Variants in GFI1B observed in about 807,000 individuals in gnomAD.
The protein encoded by GFI1B is growth factor independent 1B transcriptional repressor.
GFI1B carries 20 observed loss-of-function variants against 35.3 expected under a neutral mutation model. That is an observed-to-expected ratio of 0.57 (90% CI 0.40 to 0.82). GFI1B has a LOEUF of 0.82. GFI1B is among the 40% of genes least tolerant of loss of function. The probability of loss-of-function intolerance (pLI) is 0.00; values close to 1 mark genes in which losing one functional copy is unlikely to be tolerated. For missense variants in GFI1B, 430 were observed against 446.3 expected, an observed-to-expected ratio of 0.96 and a Z score of 0.33; for synonymous variants, 178 against 177.6, an observed-to-expected ratio of 1.00 and a Z score of -0.02.
intron 1 of GFI1B, among the ~76,000 whole-genome samples, chr9:132,983,234 C>T (rs1324226223): frequency 1.6e-4 from 23 of 143,046 alleles, no homozygotes. Flanking sequence ...GGCTCTGTCA[C>T]CCAGGCTGAA....
At chr9:132,990,018 G>C in intron 6 of GFI1B, 111 bp downstream of exon 6, 1 of 931,200 alleles carries the variant, frequency 1.1e-6, no homozygotes. Context: ...TAGTTACAAA[G>C]TCAAAGGCCA....
Position 132,989,241 on chromosome 9 carries a change from C to G in GFI1B, c.648+43C>G. ...CGCAGGACTCCCAGCCCCACTCCTTCTCTGTGCTTCCCCAGGGAGCCTGGG... is the reference window on the plus strand; with the variant it reads ...CGCAGGACTCCCAGCCCCACTCCTTGTCTGTGCTTCCCCAGGGAGCCTGGG... On this transcript the variant is annotated intron_variant, in intron 5 of 6. Transcript: ENST00000372122. The surrounding 1 kb of genome is among the most constrained non-coding windows in gnomAD (Gnocchi z 6.2). The G allele has an allele frequency of 6.3e-7, 1 of 1,587,054 alleles. No homozygotes were observed. Among genetic ancestry groups the G allele is most frequent in the Non-Finnish European group, 8.6e-7 (1 of 1,162,880 alleles).
chr9:132,991,888 A>G (rs1284104433), downstream of GFI1B, among the ~76,000 whole-genome samples: 3 of 152,072 alleles, frequency 2.0e-5, no homozygotes, highest in Non-Finnish European at 4.4e-5. Flanking sequence ...GGCCCGTGCG[A>G]CAAGACCACA....
chr9:132,958,799 A>C (rs1445862651), intron 1 of GFI1B, among the ~76,000 whole-genome samples: 3 of 152,210 alleles, frequency 2.0e-5, no homozygotes, highest in Non-Finnish European at 2.9e-5. Context: ...GGACCAGCTC[A>C]ATTGAGATGC....
intron 1 of GFI1B, among the ~76,000 whole-genome samples, chr9:132,961,005 T>A (rs1314566517): frequency 6.6e-6 from 1 of 152,160 alleles, no homozygotes; most frequent in African/African-American, 2.4e-5. Context: ...CTAGAGGTTT[T>A]ATTTTAGCTG....
intron 1 of GFI1B, among the ~76,000 whole-genome samples, chr9:132,966,079 G>A (rs1358385974): frequency 6.6e-6 from 1 of 152,198 alleles, no homozygotes; most frequent in Non-Finnish European, 1.5e-5. Context: ...ACAAAAATAG[G>A]CCAGGCACAG....
rs56996800 is a variant in GFI1B, at chr9:132,968,121, T to G, written c.-700-4604T>G. Among the ~76,000 whole-genome samples, 1,280 of 147,810 alleles carry G rather than the reference T, an allele frequency of 8.7e-3. 19 individuals are homozygous for G. Among genetic ancestry groups the G allele is most frequent in the African/African-American group, 0.03 (1,209 of 39,710 alleles). On this transcript the variant is annotated intron_variant, in intron 1 of 10. Transcript: ENST00000339463. ...TTATTTATTTATTTATTTATTTATT[T>G]ATTTATTTGATTTGAGACAGTGTCT...
chr9:132,960,619 C>A (rs1413334595), intron 1 of GFI1B, among the ~76,000 whole-genome samples: 2 of 151,964 alleles, frequency 1.3e-5, no homozygotes, highest in Non-Finnish European at 2.9e-5. Context: ...AACTCAGCCT[C>A]CCAAAGAGCT....
Position 132,982,754 on chromosome 9 carries a change from AT to A in GFI1B, c.-20-3902del, listed in dbSNP as rs567770287. On this transcript the variant is annotated intron_variant, in intron 1 of 6. Coordinates refer to ENST00000372122, the MANE Select transcript of GFI1B (RefSeq NM_001377304.1). ...GGCCAAAAGGAAGTTCACCGGGTGC[AT>A]TTGGCCCCTCTGTGAGCCAGAGGGC... Among the ~76,000 whole-genome samples the A allele has an allele frequency of 2.4e-3, 369 of 151,882 alleles. 1 individual carries two copies. The highest frequency in any genetic ancestry group is 8.5e-3 in the African/African-American group (352 of 41,390).
At chr9:132,965,148 G>A (rs2905078) in intron 1 of GFI1B, among the ~76,000 whole-genome samples, 68,430 of 151,908 alleles carry the variant, frequency 0.45, 15,527 homozygotes, top group African/African-American at 0.49. Context: ...AAATTAAAAA[G>A]CATCGATTTC....
At chr9:132,971,464 A>T (rs181462711) in intron 1 of GFI1B, among the ~76,000 whole-genome samples, 1 of 152,304 alleles carries the variant, frequency 6.6e-6, no homozygotes, top group Non-Finnish European at 1.5e-5. Context: ...CTAAGACAGG[A>T]GGGTTGAAGG....
At chr9:132,975,845 G>A (rs1376403097), upstream of GFI1B, among the ~76,000 whole-genome samples, 1 of 152,246 alleles carries the variant, frequency 6.6e-6, no homozygotes, top group African/African-American at 2.4e-5. Flanking sequence ...ACTAAGGGAA[G>A]TGCTGGTAGC....
In GFI1B at chr9:132,988,317, G is replaced by T; in HGVS notation, c.359G>T (p.Arg120Leu). The change falls in exon 4 of 7, where the codon CGG becomes CTG. Residue 120 changes from arginine to leucine, a missense_variant. Coordinates refer to ENST00000372122, the MANE Select transcript of GFI1B (RefSeq NM_001377304.1). ...GCCACAACCTATGGCCACAGCTACC[G>T]GCAGGCCCCCTCCACCATGCAGTCA... ...TLATTYGHSY[R>L]QAPSTMQSAF... The T allele has an allele frequency of 1.2e-6, 2 of 1,614,158 alleles. No individual in the cohort carries two copies. Among genetic ancestry groups the T allele is most frequent in the Non-Finnish European group, 1.7e-6 (2 of 1,180,004 alleles).
intron 1 of GFI1B, among the ~76,000 whole-genome samples, chr9:132,981,911 C>T (rs900028982): frequency 6.6e-6 from 1 of 152,186 alleles, no homozygotes; most frequent in Non-Finnish European, 1.5e-5. Flanking sequence ...TGCCACCACA[C>T]CCAGCTAAGT....
intron 2 of GFI1B, 84 bp downstream of exon 2, chr9:132,986,862 T>C: frequency 1.3e-6 from 1 of 800,002 alleles, no homozygotes; most frequent in East Asian, 2.6e-5. Context: ...GCGTCCCTCC[T>C]GCAGCAGCCT....
At chr9:132,972,291 G>A (rs367622790) in intron 1 of GFI1B, among the ~76,000 whole-genome samples, 1,596 of 150,146 alleles carry the variant, frequency 0.011, 26 homozygotes, top group African/African-American at 0.037. Context: ...GCGTGGTGGC[G>A]GGCGCCTGTA....
intron 1 of GFI1B, among the ~76,000 whole-genome samples, chr9:132,972,371 G>A (rs1419254006): frequency 2.6e-5 from 4 of 152,112 alleles, no homozygotes; most frequent in Admixed American, 6.5e-5. Context: ...GCAGTGAGCC[G>A]AGATTGCACC....
In GFI1B at chr9:132,989,627, C is replaced by G; in HGVS notation, c.649-115C>G. On this transcript the variant is annotated intron_variant, in intron 5 of 6. Transcript: ENST00000372122. The surrounding 1 kb of genome is among the most constrained non-coding windows in gnomAD (Gnocchi z 6.2). ...CCTCAGAGGCAGAGATGAGGGGTCC[C>G]CCGGTCCTGCTCCTCCAGGCCGCCC... 1 of 768,242 alleles carries G rather than the reference C, an allele frequency of 1.3e-6. No homozygotes were observed. Among genetic ancestry groups the G allele is most frequent in the Non-Finnish European group, 2.2e-6 (1 of 457,118 alleles). 47.6% of individuals were successfully genotyped at this position (768,242 alleles called of 1,614,324 possible). A position where few individuals can be genotyped will look rare whatever the true frequency, so the allele number is the denominator to read the frequency against.
Position 132,970,278 on chromosome 9 carries a change from C to T in GFI1B, c.-700-2447C>T, listed in dbSNP as rs1246310548. On this transcript the variant is annotated intron_variant, in intron 1 of 10. Transcript: ENST00000339463. The stretch of plus-strand genomic sequence containing the variant: ...ACCCAGACAGGAGACAGGGCCTCTC[C>T]CCATCAGTAGCCACAGCAAGCTCCT... Among the ~76,000 whole-genome samples the T allele has an allele frequency of 3.9e-5, 6 of 152,256 alleles. No individual in the cohort carries two copies. The East Asian group carries it at 1.2e-3, about 29-fold the overall frequency.
Sources: gnomAD v4.1 joint callset for allele counts (sites outside exome capture counted in the v4.1 genomes callset) on GRCh38, gnomAD v4.1.1 for gene constraint, Gnocchi (gnomAD v3.1) non-coding constraint, MANE v1.5 for transcripts, NCBI Gene and HGNC (gene_info 2026-07-23, HGNC 2026-07-21) for gene names.